The following PNPLA7 variants were observed in gnomAD, a reference collection of about 807,000 sequenced individuals.
The protein encoded by PNPLA7 is patatin-like phospholipase domain-containing protein 7.
A neutral mutation model predicts 161.7 loss-of-function variants in PNPLA7; 153 were observed. The ratio of observed to expected loss-of-function variants is 0.95; its 90% CI spans 0.83 to 1.08. The LOEUF (loss-of-function observed/expected upper bound fraction) is 1.08. Ranked by LOEUF, PNPLA7 falls within the 50% of genes least tolerant of loss-of-function variation. The pLI, the probability that PNPLA7 is intolerant of heterozygous loss-of-function variation, is 0.00. For synonymous variants in PNPLA7, 809 were observed against 782.1 expected, an observed-to-expected ratio of 1.03 and a Z score of -0.57; for missense variants, 1,739 against 1,856.6, an observed-to-expected ratio of 0.94 and a Z score of 1.16.
At chr9:137,506,457 G>C (rs986776243) in intron 12 of PNPLA7, among the ~76,000 whole-genome samples, 1 of 152,154 alleles carries the variant, frequency 6.6e-6, no homozygotes, top group Admixed American at 6.5e-5. Context: ...CCTGGGTAGA[G>C]CACCCTTTCT....
At position 137,501,635 on chromosome 9, in the gene PNPLA7, CA is replaced by C. The variant is rs753094282; in HGVS notation, c.1551+14del. 42 of 1,610,342 alleles carry C rather than the reference CA, an allele frequency of 2.6e-5. No individual in the cohort carries two copies. The highest frequency in any genetic ancestry group is 1.6e-4 in the Middle Eastern group (1 of 6,072). ...ATTGGGTGGTCCCAGTGCCCCCCCCCAGACCCCCGCTCACCTGGTCTCCCTG... is the reference window on the plus strand; with the variant it reads ...ATTGGGTGGTCCCAGTGCCCCCCCCCGACCCCCGCTCACCTGGTCTCCCTG... On this transcript the variant is annotated intron_variant, in intron 15 of 34. Coordinates refer to ENST00000406427, the MANE Select transcript of PNPLA7 (RefSeq NM_001098537.3).
chr9:137,477,934 G>A, intron 25 of PNPLA7, 100 bp downstream of exon 25: 1 of 1,013,542 alleles, frequency 9.9e-7, no homozygotes, highest in Non-Finnish European at 1.3e-6. Context: ...GTCTGCGGGT[G>A]ACACCCCCTG....
At chr9:137,515,242 C>G (rs1834466285) in intron 12 of PNPLA7, 137 bp downstream of exon 12, 1 of 1,155,198 alleles carries the variant, frequency 8.7e-7, no homozygotes. Context: ...CAGGCACAGG[C>G]CCCCCTGGGC....
chr9:137,545,502 T>TA (rs1836449975), intron 4 of PNPLA7, among the ~76,000 whole-genome samples: 1 of 152,182 alleles, frequency 6.6e-6, no homozygotes, highest in South Asian at 2.1e-4. Context: ...ACATCCACTC[T>TA]GGGGGCCGAC....
Position 137,468,050 on chromosome 9 carries a change from C to T in PNPLA7, c.2883-577G>A, listed in dbSNP as rs942441578. Among the ~76,000 whole-genome samples the T allele has an allele frequency of 3.3e-5, 5 of 152,032 alleles. No individual in the cohort carries two copies. Among genetic ancestry groups the T allele is most frequent in the African/African-American group, 1.2e-4 (5 of 41,378 alleles). On this transcript the variant is annotated intron_variant, in intron 25 of 34. Transcript: ENST00000406427. This position sits in a 1 kb window ranked among gnomAD's most constrained non-coding sequence, Gnocchi z 4.0. ...GGAAACACGGCTGCCTCCAGCAGGG[C>T]GTCTGAGAGGTGGTGGGAAAACTGG...
intron 8 of PNPLA7, among the ~76,000 whole-genome samples, chr9:137,534,573 A>G (rs1457974697): frequency 6.6e-6 from 1 of 152,224 alleles, no homozygotes; most frequent in Non-Finnish European, 1.5e-5. Flanking sequence ...TGCCCTAAAA[A>G]AAAGACCTAC....
rs1836311923 is a variant in PNPLA7, at chr9:137,543,300, C to T, written c.506+132G>A. 3.4e-6 allele frequency: 4 copies of T among 1,164,220 alleles called. No individual in the cohort carries two copies. The Admixed American group carries it at 8.3e-5, about 24-fold the overall frequency. The allele number at this position is 1,164,220 out of a possible 1,614,324, so 72.1% of individuals were successfully genotyped here. On this transcript the variant is annotated intron_variant, in intron 6 of 34. Transcript: ENST00000406427. The surrounding 1 kb of genome is among the most constrained non-coding windows in gnomAD (Gnocchi z 6.9). ...ACGAGGCCCCGCCACGGGGCACAGA[C>T]ACCAGCAGCCCCACGATGCGCTTTG...
chr9:137,467,526 C>T lies in PNPLA7; in HGVS notation c.2883-53G>A. On this transcript the variant is annotated intron_variant, in intron 25 of 34. Coordinates refer to ENST00000406427, the MANE Select transcript of PNPLA7 (RefSeq NM_001098537.3). The surrounding 1 kb of genome is among the most constrained non-coding windows in gnomAD (Gnocchi z 5.1). ...GAGTGAGTACCAGGCCCAGGCTGCG[C>T]CCTGCAGAGGCCTTGTGCTCATCCT... The T allele has an allele frequency of 6.3e-7, 1 of 1,593,206 alleles. No individual in the cohort carries two copies. The highest frequency in any genetic ancestry group is 1.7e-5 in the Admixed American group (1 of 58,978).
chr9:137,463,296 TA>T, intron 29 of PNPLA7, 118 bp downstream of exon 29: 1 of 926,532 alleles, frequency 1.1e-6, no homozygotes. Context: ...TGGCATACTC[TA>T]AGGAAAACGT....
chr9:137,505,722 C>T lies in PNPLA7; in HGVS notation c.1365G>A (p.Thr455=), dbSNP rs1376960764. The change falls in exon 14 of 35, where the codon ACG becomes ACA. Residue 455 remains threonine (T), a synonymous_variant. Coordinates refer to ENST00000406427, the MANE Select transcript of PNPLA7 (RefSeq NM_001098537.3). ...TGTGACTCTCTGAGTGCTGGGAGAC[C>T]GTGGAGGGTATCTCTGCAACCATCA... ...KSVMVAEIPS[T]VSQHSESHTD... is the part of the protein sequence containing the mutation. 15 of 1,613,978 alleles carry T rather than the reference C, an allele frequency of 9.3e-6. No homozygotes were observed. Among genetic ancestry groups the T allele is most frequent in the Middle Eastern group, 1.6e-4 (1 of 6,084 alleles).
At position 137,467,458 on chromosome 9, in the gene PNPLA7, C is replaced by T. The variant is rs745502074; in HGVS notation, c.2898G>A (p.Val966=). Reference sequence around the variant, plus strand: ...ACTCCGCCAAGGCCTTGAGAACGCCCACCTGGGCACAGCCTCTACACCAGC... The same window carrying T: ...ACTCCGCCAAGGCCTTGAGAACGCCTACCTGGGCACAGCCTCTACACCAGC... The part of the protein sequence containing the change: ...GGGGARGCAQ[V]GVLKALAECG... The change falls in exon 26 of 35, where the codon GTG becomes GTA. Residue 966 remains valine (V), a synonymous_variant. Transcript: ENST00000406427. This position sits in a 1 kb window ranked among gnomAD's most constrained non-coding sequence, Gnocchi z 5.1. The T allele has an allele frequency of 7.4e-6, 12 of 1,612,904 alleles. No homozygotes were observed. The highest frequency in any genetic ancestry group is 1.0e-5 in the Non-Finnish European group (12 of 1,179,982).
chr9:137,519,450 G>C (rs1423795389), intron 11 of PNPLA7, among the ~76,000 whole-genome samples: 1 of 152,258 alleles, frequency 6.6e-6, no homozygotes, highest in Non-Finnish European at 1.5e-5. Context: ...GAGGGTGAAG[G>C]GTCCTGGGCC....
At chr9:137,546,606 T>C (rs907554532) in intron 4 of PNPLA7, among the ~76,000 whole-genome samples, 19 of 152,250 alleles carry the variant, frequency 1.2e-4, no homozygotes, top group African/African-American at 4.6e-4. Context: ...GGGGTTATTC[T>C]TGGGTAAAAC....
In PNPLA7 at chr9:137,523,832, G is replaced by C. The variant is rs930412228; in HGVS notation, c.748-975C>G. Among the ~76,000 whole-genome samples, 1 of 152,012 alleles carries C rather than the reference G, an allele frequency of 6.6e-6. No individual in the cohort carries two copies. The highest frequency in any genetic ancestry group is 2.4e-5 in the African/African-American group (1 of 41,396). On this transcript the variant is annotated intron_variant, in intron 8 of 34. Coordinates refer to ENST00000406427, the MANE Select transcript of PNPLA7 (RefSeq NM_001098537.3). The surrounding 1 kb of genome is among the most constrained non-coding windows in gnomAD (Gnocchi z 4.4). ...TTTTTAGTAGAGACAGGGTTTCACT[G>C]TGTTAGCCAGGAGGGTCTCGATCTC...
chr9:137,528,501 C>T (rs1019885745), intron 8 of PNPLA7, among the ~76,000 whole-genome samples: 21 of 152,044 alleles, frequency 1.4e-4, no homozygotes, highest in Admixed American at 1.0e-3. Flanking sequence ...AGGCTGATCT[C>T]GAACTTCTGA....
chr9:137,487,954 G>A (rs1393436692), intron 20 of PNPLA7, among the ~76,000 whole-genome samples: 2 of 152,274 alleles, frequency 1.3e-5, no homozygotes, highest in East Asian at 3.8e-4. Context: ...AGGAGCGGGG[G>A]ACTCAGGCCC....
chr9:137,547,366 C>T lies in PNPLA7; in HGVS notation c.136G>A (p.Ala46Thr), dbSNP rs1463068687. 1 of 1,613,456 alleles carries T rather than the reference C, an allele frequency of 6.2e-7. No individual in the cohort carries two copies. Among genetic ancestry groups the T allele is most frequent in the Non-Finnish European group, 8.5e-7 (1 of 1,180,010 alleles). ...ATGAGGACACCAACCAAGGCCAGGG[C>T]CAGGAGGGCTCCAACTGCAATCCCC... ...LTGIAVGALLALALVGVLILF... is the reference protein window; with the variant it reads ...LTGIAVGALLTLALVGVLILF... The change falls in exon 3 of 35, where the codon GCC (alanine) becomes ACC (threonine). Residue 46 changes from alanine to threonine, a missense_variant. Transcript: ENST00000406427. This position sits in a 1 kb window ranked among gnomAD's most constrained non-coding sequence, Gnocchi z 4.6.
At chr9:137,521,442 G>C (rs901850088) in intron 10 of PNPLA7, among the ~76,000 whole-genome samples, 194 bp downstream of exon 10, 1 of 152,228 alleles carries the variant, frequency 6.6e-6, no homozygotes, top group Non-Finnish European at 1.5e-5. Context: ...CTGACTAGCA[G>C]GTGCTTTAAG....
chr9:137,504,686 C>T (rs1054955560), intron 14 of PNPLA7, among the ~76,000 whole-genome samples: 1 of 152,008 alleles, frequency 6.6e-6, no homozygotes, highest in Non-Finnish European at 1.5e-5. Flanking sequence ...CAGAACGACA[C>T]CGTGGTGATG....
Sources: gnomAD v4.1 joint callset for allele counts (sites outside exome capture counted in the v4.1 genomes callset) on GRCh38, gnomAD v4.1.1 for gene constraint, Gnocchi (gnomAD v3.1) non-coding constraint, MANE v1.5 for transcripts, NCBI Gene and HGNC (gene_info 2026-07-23, HGNC 2026-07-21) for gene names.